CDH18: variants seen among roughly 807,000 people sequenced by gnomAD.
CDH18 encodes cadherin 18.
CDH18 carries 31 observed loss-of-function variants against 67.9 expected under a neutral mutation model. The observed-to-expected ratio is 0.46, with a 90% CI of 0.34 to 0.62. The LOEUF is 0.62. Ranked by LOEUF, CDH18 falls within the 20% of genes least tolerant of loss-of-function variation. The pLI is 0.01. For synonymous variants in CDH18, 362 were observed against 347.2 expected, an observed-to-expected ratio of 1.04 and a Z score of -0.48; for missense variants, 890 against 975.5, an observed-to-expected ratio of 0.91 and a Z score of 1.17.
chr5:20,311,475 A>T (rs1186741552), intron 1 of CDH18, among the ~76,000 whole-genome samples: 1 of 152,196 alleles, frequency 6.6e-6, no homozygotes, highest in Non-Finnish European at 1.5e-5. Context: ...ATAAAAAAGG[A>T]TAAGTTCATG....
chr5:19,870,699 G>T (rs961430528), intron 2 of CDH18, among the ~76,000 whole-genome samples: 1 of 152,082 alleles, frequency 6.6e-6, no homozygotes, highest in Non-Finnish European at 1.5e-5. Context: ...ATGCTTAAAG[G>T]TCTAGGCAAA....
intron 8 of CDH18, among the ~76,000 whole-genome samples, chr5:19,569,949 T>C (rs970062410): frequency 6.6e-6 from 1 of 152,294 alleles, no homozygotes; most frequent in African/African-American, 2.4e-5. Context: ...TTTTTTTAAA[T>C]AATTACAGAA....
At chr5:20,530,782 C>A (rs1273284224) in intron 1 of CDH18, among the ~76,000 whole-genome samples, 2 of 152,008 alleles carry the variant, frequency 1.3e-5, no homozygotes, top group Non-Finnish European at 2.9e-5. Context: ...ACCATAAGAA[C>A]CCTATAAGAA....
intron 1 of CDH18, among the ~76,000 whole-genome samples, chr5:20,566,360 C>CT (rs529048391): frequency 0.17 from 20,628 of 119,212 alleles, 2,239 homozygotes; most frequent in African/African-American, 0.27. Flanking sequence ...TTTTCTTTTT[C>CT]TTTTTTTTTT....
intron 1 of CDH18, among the ~76,000 whole-genome samples, chr5:20,472,702 G>C (rs1306809856): frequency 6.6e-6 from 1 of 152,156 alleles, no homozygotes; most frequent in Non-Finnish European, 1.5e-5. Flanking sequence ...TCAACAGCGT[G>C]CTATGTTTGA....
intron 1 of CDH18, among the ~76,000 whole-genome samples, chr5:20,274,800 T>G (rs1489381554): frequency 6.6e-6 from 1 of 152,182 alleles, no homozygotes; most frequent in African/African-American, 2.4e-5. Flanking sequence ...GAACATCTTT[T>G]TTATACTTTA....
At chr5:19,584,808 A>AAAG (rs1250444033) in intron 7 of CDH18, among the ~76,000 whole-genome samples, 45 of 147,658 alleles carry the variant, frequency 3.0e-4, no homozygotes, top group Non-Finnish European at 4.5e-4. Flanking sequence ...AAAAAAAAAA[A>AAAG]AAAAGAAAAA....
intron 3 of CDH18, among the ~76,000 whole-genome samples, chr5:19,763,921 G>A (rs1034798425): frequency 2.0e-5 from 3 of 150,192 alleles, no homozygotes; most frequent in African/African-American, 7.4e-5. Flanking sequence ...GGCCAAGGAG[G>A]GTGGATCACC....
At chr5:19,954,836 A>C (rs183880601) in intron 2 of CDH18, among the ~76,000 whole-genome samples, 118 of 149,260 alleles carry the variant, frequency 7.9e-4, no homozygotes, top group African/African-American at 2.9e-3. Flanking sequence ...CCTGTTATGA[A>C]AAATAACAAT....
At position 20,025,499 on chromosome 5, in the gene CDH18, A is replaced by G. The variant is rs1022057278; in HGVS notation, c.-517-33485T>C. On this transcript the variant is annotated intron_variant, in intron 2 of 14. Coordinates refer to the CDH18 transcript ENST00000507958. ...ATTTCCATCTAGGAAATATTGATAT[A>G]AAACATATAAATTAGCTTCATATAC... Among the ~76,000 whole-genome samples the G allele has an allele frequency of 2.0e-5, 3 of 152,286 alleles. No individual in the cohort carries two copies. The East Asian group carries it at 5.8e-4, about 29-fold the overall frequency.
At chr5:19,910,979 C>T (rs914305634) in intron 2 of CDH18, among the ~76,000 whole-genome samples, 1 of 152,068 alleles carries the variant, frequency 6.6e-6, no homozygotes, top group Non-Finnish European at 1.5e-5. Flanking sequence ...TAAGTAGGTA[C>T]CTACTGAGTA....
chr5:20,354,162 T>A (rs1741421258), intron 1 of CDH18, among the ~76,000 whole-genome samples: 1 of 152,190 alleles, frequency 6.6e-6, no homozygotes. Context: ...ACATTATAAA[T>A]AATACATTAA....
intron 1 of CDH18, among the ~76,000 whole-genome samples, chr5:20,276,338 A>G (rs1253231647): frequency 6.6e-6 from 1 of 152,138 alleles, no homozygotes; most frequent in Non-Finnish European, 1.5e-5. Context: ...TGCAACTTTG[A>G]TACCAGCTCA....
intron 7 of CDH18, among the ~76,000 whole-genome samples, chr5:19,573,931 G>A (rs1208869493): frequency 1.3e-5 from 2 of 152,154 alleles, no homozygotes; most frequent in South Asian, 4.1e-4. Flanking sequence ...TCTTCTCACT[G>A]AATATGGGTA....
chr5:20,467,112 A>T (rs545421514), intron 1 of CDH18, among the ~76,000 whole-genome samples: 13 of 152,276 alleles, frequency 8.5e-5, no homozygotes, highest in South Asian at 8.3e-4. Context: ...TGATGCAGTA[A>T]CTATATGGTT....
intron 5 of CDH18, among the ~76,000 whole-genome samples, chr5:19,674,806 G>A (rs760126758): frequency 1.4e-4 from 22 of 151,984 alleles, no homozygotes; most frequent in South Asian, 2.1e-4. Flanking sequence ...TTAACACACC[G>A]GTTTATCGTT....
chr5:19,655,557 C>T (rs1041467679), intron 5 of CDH18, among the ~76,000 whole-genome samples: 3 of 151,706 alleles, frequency 2.0e-5, no homozygotes, highest in Non-Finnish European at 4.4e-5. Flanking sequence ...TATTTAAATC[C>T]TGTTGTCATA....
chr5:20,253,585 T>C (rs1744018739), intron 2 of CDH18, among the ~76,000 whole-genome samples: 1 of 152,184 alleles, frequency 6.6e-6, no homozygotes, highest in Non-Finnish European at 1.5e-5. Flanking sequence ...AACTTTTCAC[T>C]GCAAGAATTT....
At chr5:20,362,516 A>G (rs1311482399) in intron 1 of CDH18, among the ~76,000 whole-genome samples, 1 of 152,124 alleles carries the variant, frequency 6.6e-6, no homozygotes, top group Non-Finnish European at 1.5e-5. Flanking sequence ...TGCATCTGAG[A>G]GAATGTTTTA....
Sources: allele counts gnomAD v4.1 joint callset (sites outside exome capture counted in the v4.1 genomes callset), GRCh38; gene constraint gnomAD v4.1.1; transcripts MANE v1.5; gene names NCBI Gene and HGNC (gene_info 2026-07-23, HGNC 2026-07-21).